SEMA3A: variants seen among roughly 807,000 people sequenced by gnomAD.
SEMA3A encodes semaphorin-3A.
Under a neutral mutation model 97.9 loss-of-function variants are expected in SEMA3A, and 29 were observed. The observed-to-expected ratio is 0.30, with a 90% CI of 0.22 to 0.40. The LOEUF (loss-of-function observed/expected upper bound fraction) is 0.40. SEMA3A is among the 10% of genes least tolerant of loss of function. The pLI is 1.00. For synonymous variants in SEMA3A, 321 were observed against 323.7 expected, an observed-to-expected ratio of 0.99 and a Z score of 0.09; for missense variants, 763 against 951.3, an observed-to-expected ratio of 0.80 and a Z score of 2.60.
At chr7:84,070,810 G>A (rs1793712027) in intron 4 of SEMA3A, among the ~76,000 whole-genome samples, 1 of 151,796 alleles carries the variant, frequency 6.6e-6, no homozygotes, top group Admixed American at 6.6e-5. Context: ...CCAGCCTGAG[G>A]GTGACCTTCT....
At chr7:84,315,944 T>G (rs974123411) in intron 2 of SEMA3A, among the ~76,000 whole-genome samples, 10 of 151,364 alleles carry the variant, frequency 6.6e-5, no homozygotes, top group African/African-American at 2.4e-4. Flanking sequence ...ATATATTTTT[T>G]CTTTTTAAAA....
intron 15 of SEMA3A, among the ~76,000 whole-genome samples, chr7:83,966,057 A>G (rs1370106210): frequency 6.6e-6 from 1 of 151,936 alleles, no homozygotes; most frequent in African/African-American, 2.4e-5. Flanking sequence ...GTCCACAGAG[A>G]TAATTTTCTG....
intron 12 of SEMA3A, among the ~76,000 whole-genome samples, chr7:83,994,214 C>A (rs1283096931): frequency 1.0e-5 from 1 of 98,082 alleles, no homozygotes; most frequent in Non-Finnish European, 2.1e-5. Flanking sequence ...GTTATACATT[C>A]TTCTAAATTT....
At chr7:84,077,282 TTTTA>T (rs1280207014) in intron 4 of SEMA3A, among the ~76,000 whole-genome samples, 2 of 152,080 alleles carry the variant, frequency 1.3e-5, no homozygotes, top group African/African-American at 4.8e-5. Context: ...ACACCATTAT[TTTTA>T]TTTGTGATCT....
At chr7:84,386,782 T>C (rs1803407930) in intron 1 of SEMA3A, among the ~76,000 whole-genome samples, 1 of 152,084 alleles carries the variant, frequency 6.6e-6, no homozygotes, top group African/African-American at 2.4e-5. Flanking sequence ...AGTGGATCAC[T>C]TGAGGTCAGG....
intron 15 of SEMA3A, among the ~76,000 whole-genome samples, chr7:83,969,307 A>G (rs1189629185): frequency 6.6e-6 from 1 of 152,154 alleles, no homozygotes; most frequent in Non-Finnish European, 1.5e-5. Flanking sequence ...CTCAATGTGA[A>G]TCCTACTCCC....
At chr7:84,079,904 G>T (rs147405811) in intron 4 of SEMA3A, among the ~76,000 whole-genome samples, 1 of 144,886 alleles carries the variant, frequency 6.9e-6, no homozygotes, top group Non-Finnish European at 1.5e-5. Flanking sequence ...ACTTGCGCAC[G>T]TATGTTTATT....
At chr7:84,369,013 G>A (rs2116093805) in intron 2 of SEMA3A, among the ~76,000 whole-genome samples, 1 of 150,780 alleles carries the variant, frequency 6.6e-6, no homozygotes, top group Non-Finnish European at 1.5e-5. Flanking sequence ...AGATCACAAT[G>A]TTAATTCATC....
chr7:83,983,189 CTCTT>C (rs931845352), intron 13 of SEMA3A, among the ~76,000 whole-genome samples: 341 of 151,792 alleles, frequency 2.2e-3, no homozygotes, highest in African/African-American at 7.2e-3. Flanking sequence ...CCATTTCTCT[CTCTT>C]TCTTTCTTTC....
chr7:84,324,468 G>A (rs111996915), intron 2 of SEMA3A, among the ~76,000 whole-genome samples: 4 of 152,254 alleles, frequency 2.6e-5, no homozygotes, highest in African/African-American at 9.6e-5. Flanking sequence ...GCCAGCTCCA[G>A]TGAATGAACA....
In SEMA3A at chr7:84,476,731, G is replaced by A. The variant is rs529369795; in HGVS notation, c.-246+15729C>T. On this transcript the variant is annotated intron_variant, in intron 1 of 3. Transcript: ENST00000424555. ...AAGTAGAAAAATATAGTTAGAAAAC[G>A]CACAAATTATTGATTCCAGATTCTT... Among the ~76,000 whole-genome samples the A allele has an allele frequency of 9.2e-5, 14 of 152,044 alleles. No homozygotes were observed. The East Asian group carries it at 1.2e-3, about 13-fold the overall frequency.
intron 2 of SEMA3A, among the ~76,000 whole-genome samples, chr7:84,132,670 T>G (rs1227153986): frequency 3.9e-5 from 5 of 126,846 alleles, no homozygotes; most frequent in East Asian, 2.3e-4. Context: ...GTGTTTTTTT[T>G]TTTTTTTTTT....
At chr7:83,982,858 T>G (rs931924505) in intron 13 of SEMA3A, among the ~76,000 whole-genome samples, 1 of 152,036 alleles carries the variant, frequency 6.6e-6, no homozygotes, top group Non-Finnish European at 1.5e-5. Context: ...ATTAAGGTTA[T>G]AAGGAGTGTT....
Position 84,006,692 on chromosome 7 carries a change from A to G in SEMA3A, c.1140+661T>C, listed in dbSNP as rs111878205. On this transcript the variant is annotated intron_variant, in intron 10 of 16. Transcript: ENST00000265362. ...TTAAATAATTTCTACCATTTAATGT[A>G]AAAGCTTGGGAGCTAAAATGTAATT... Among the ~76,000 whole-genome samples the G allele has an allele frequency of 4.0e-3, 603 of 152,328 alleles. 3 individuals carry two copies. Among genetic ancestry groups the G allele is most frequent in the African/African-American group, 0.014 (581 of 41,578 alleles).
At chr7:84,213,233 TC>T (rs1299750961) in intron 3 of SEMA3A, among the ~76,000 whole-genome samples, 1 of 152,170 alleles carries the variant, frequency 6.6e-6, no homozygotes, top group Admixed American at 6.6e-5. Flanking sequence ...CGCCTCAGCC[TC>T]CCAAAGTGCT....
intron 3 of SEMA3A, among the ~76,000 whole-genome samples, chr7:84,204,968 T>G (rs1798452957): frequency 6.6e-6 from 1 of 152,196 alleles, no homozygotes; most frequent in African/African-American, 2.4e-5. Context: ...GAAAGAATCG[T>G]ATCTTTTATG....
chr7:84,359,224 C>A (rs868171162), intron 2 of SEMA3A, among the ~76,000 whole-genome samples: 25 of 151,968 alleles, frequency 1.6e-4, no homozygotes, highest in African/African-American at 3.9e-4. Context: ...GCCAGTTTTC[C>A]AAGGGAATGC....
chr7:84,463,106 A>G (rs948572247), intron 1 of SEMA3A, among the ~76,000 whole-genome samples: 1 of 152,054 alleles, frequency 6.6e-6, no homozygotes, highest in African/African-American at 2.4e-5. Flanking sequence ...TCAGCAGTTC[A>G]ACTGTTTTTC....
chr7:84,461,570 A>T (rs1805841042), intron 1 of SEMA3A, among the ~76,000 whole-genome samples: 1 of 152,132 alleles, frequency 6.6e-6, no homozygotes, highest in Admixed American at 6.6e-5. Context: ...ATTATAATCA[A>T]GCAAAGGCCA....
Sources: gnomAD v4.1 joint callset for allele counts (sites outside exome capture counted in the v4.1 genomes callset) on GRCh38, gnomAD v4.1.1 for gene constraint, MANE v1.5 for transcripts, NCBI Gene and HGNC (gene_info 2026-07-23, HGNC 2026-07-21) for gene names.